Variants in SPATA6L observed in about 807,000 individuals in gnomAD.
SPATA6L encodes spermatogenesis associated 6 like, also known as spermatogenesis associated 6-like protein.
Under a neutral mutation model 49.2 loss-of-function variants are expected in SPATA6L, and 68 were observed. The ratio of observed to expected loss-of-function variants is 1.38; its 90% CI spans 1.14 to 1.69. SPATA6L has a LOEUF of 1.69. Ranked by LOEUF, SPATA6L falls within the 40% of genes most tolerant of loss-of-function variation. SPATA6L has a pLI of 0.00. For synonymous variants in SPATA6L, 198 were observed against 165.7 expected (o/e 1.19, Z -1.50); for missense variants, 668 against 464.3 (o/e 1.44, Z -4.03).
At position 4,600,328 on chromosome 9, in the gene SPATA6L, A is replaced by G. The variant is rs1822903646; in HGVS notation, c.*483T>C. Among the ~76,000 whole-genome samples, 1 of 152,206 alleles carries G rather than the reference A, an allele frequency of 6.6e-6. No individual in the cohort carries two copies. Among genetic ancestry groups the G allele is most frequent in the African/African-American group, 2.4e-5 (1 of 41,448 alleles). ...GGACTTCACGTAAATCAAGCCTAAC[A>G]CTAAGAAATAAACAAACAACAACAA... On this transcript the variant is annotated 3_prime_UTR_variant, in exon 12 of 12. Transcript: ENST00000682582.
intron 3 of SPATA6L, among the ~76,000 whole-genome samples, chr9:4,647,323 G>A (rs1835627026): frequency 6.6e-6 from 1 of 152,158 alleles, no homozygotes; most frequent in Non-Finnish European, 1.5e-5. Context: ...CAGGCACAGT[G>A]GCTCGTGCCT....
intron 3 of SPATA6L, among the ~76,000 whole-genome samples, chr9:4,651,111 T>C (rs1051313773): frequency 1.3e-5 from 2 of 152,110 alleles, no homozygotes; most frequent in Non-Finnish European, 2.9e-5. Context: ...CAAGCAATCC[T>C]TTCACCTCAG....
At chr9:4,601,249 C>G (rs1309007104) in intron 11 of SPATA6L, among the ~76,000 whole-genome samples, 2 of 151,590 alleles carry the variant, frequency 1.3e-5, no homozygotes, top group Admixed American at 1.3e-4. Context: ...CCTTTCTTTC[C>G]TTTCTTTTTG....
chr9:4,656,112 T>C (rs1471800970), intron 2 of SPATA6L, 23 bp from the exon 3 acceptor site: 2 of 1,603,398 alleles, frequency 1.2e-6, no homozygotes, highest in African/African-American at 1.3e-5. Flanking sequence ...ATGGGGAAAA[T>C]AAATTTTCAA....
chr9:4,663,119 AT>A (rs754592718), intron 1 of SPATA6L: 14 of 1,613,920 alleles, frequency 8.7e-6, no homozygotes, highest in African/African-American at 1.3e-5. Flanking sequence ...TCTTGGGCCT[AT>A]CCAGGGTCAT....
chr9:4,641,782 T>C (rs1365769366), intron 3 of SPATA6L, among the ~76,000 whole-genome samples: 1 of 152,228 alleles, frequency 6.6e-6, no homozygotes, highest in African/African-American at 2.4e-5. Context: ...TGTTCTGTTT[T>C]GTTTTGTTGA....
chr9:4,642,829 T>C (rs1834329347), intron 3 of SPATA6L, among the ~76,000 whole-genome samples: 1 of 149,696 alleles, frequency 6.7e-6, no homozygotes, highest in Non-Finnish European at 1.5e-5. Flanking sequence ...AATCAACATT[T>C]ATATCCAGAC....
intron 5 of SPATA6L, chr9:4,626,732 C>A: frequency 2.8e-6 from 1 of 358,308 alleles, no homozygotes; most frequent in Non-Finnish European, 5.1e-6. Context: ...GTTAAGTGCT[C>A]AACAAAAGGA....
At chr9:4,626,756 G>C (rs1258218803) in intron 5 of SPATA6L, 6 of 330,818 alleles carry the variant, frequency 1.8e-5, no homozygotes, top group Non-Finnish European at 3.5e-5. Context: ...TGAATGGCCA[G>C]ACAGATTACA....
chr9:4,595,840 T>A (rs1268452120), downstream of SPATA6L, among the ~76,000 whole-genome samples: 3 of 152,212 alleles, frequency 2.0e-5, no homozygotes, highest in African/African-American at 7.2e-5. Flanking sequence ...TCACTGTAAA[T>A]CAATACCATT....
intron 6 of SPATA6L, among the ~76,000 whole-genome samples, chr9:4,624,724 T>C (rs1830024341): frequency 7.5e-6 from 1 of 133,042 alleles, no homozygotes; most frequent in Admixed American, 7.8e-5. Flanking sequence ...CAAGACTCTG[T>C]CTCAAAAAAA....
intron 3 of SPATA6L, among the ~76,000 whole-genome samples, chr9:4,635,945 A>G (rs901533223): frequency 8.5e-5 from 13 of 152,206 alleles, no homozygotes; most frequent in African/African-American, 2.9e-4. Flanking sequence ...TGCAGTGCTC[A>G]AGACACTCAT....
At chr9:4,602,781 G>C (rs1476572323) in intron 11 of SPATA6L, among the ~76,000 whole-genome samples, 4 of 152,172 alleles carry the variant, frequency 2.6e-5, no homozygotes, top group Admixed American at 2.0e-4. Context: ...TAGTGGTTAA[G>C]AGAATAAAGC....
intron 7 of SPATA6L, among the ~76,000 whole-genome samples, 165 bp downstream of exon 7, chr9:4,622,243 C>A (rs1829485977): frequency 6.6e-6 from 1 of 152,216 alleles, no homozygotes; most frequent in Admixed American, 6.5e-5. Flanking sequence ...TCAGCTGACG[C>A]TGCTTCATGG....
chr9:4,595,511 C>A (rs1822190356), downstream of SPATA6L, among the ~76,000 whole-genome samples: 1 of 152,172 alleles, frequency 6.6e-6, no homozygotes, highest in Non-Finnish European at 1.5e-5. Context: ...GTCTACAGCA[C>A]AAGTTGAAAA....
At chr9:4,626,686 G>C (rs1830411391) in intron 5 of SPATA6L, 1 of 784,748 alleles carries the variant, frequency 1.3e-6, no homozygotes, top group Non-Finnish European at 1.8e-6. Context: ...CACAAGTTTG[G>C]TGTGGTTTCC....
At chr9:4,617,565 G>C (rs961854018) in intron 9 of SPATA6L, 1 of 181,858 alleles carries the variant, frequency 5.5e-6, no homozygotes, top group African/African-American at 2.3e-5. Flanking sequence ...ATTTGTCTTT[G>C]AGTGGTAGGA....
intron 4 of SPATA6L, among the ~76,000 whole-genome samples, chr9:4,630,334 G>A (rs996660246): frequency 2.1e-4 from 32 of 152,148 alleles, no homozygotes; most frequent in African/African-American, 7.5e-4. Context: ...CCAAAAAACA[G>A]GCCTAAAGAG....
At chr9:4,640,126 G>T (rs548137711) in intron 3 of SPATA6L, among the ~76,000 whole-genome samples, 2 of 152,320 alleles carry the variant, frequency 1.3e-5, no homozygotes, top group South Asian at 4.1e-4. Flanking sequence ...GGCTTTTACA[G>T]TTGGACTGAA....
Sources: allele counts gnomAD v4.1 joint callset (sites outside exome capture counted in the v4.1 genomes callset), GRCh38; gene constraint gnomAD v4.1.1; transcripts MANE v1.5; gene names NCBI Gene and HGNC (gene_info 2026-07-23, HGNC 2026-07-21).